LTBP1: variants seen among roughly 807,000 people sequenced by gnomAD.
LTBP1 encodes latent-transforming growth factor beta-binding protein 1.
LTBP1 carries 129 observed loss-of-function variants against 207.6 expected under a neutral mutation model. The observed-to-expected ratio is 0.62, with a 90% CI of 0.54 to 0.72. The LOEUF (loss-of-function observed/expected upper bound fraction) is 0.72. Ranked by LOEUF, LTBP1 falls within the 30% of genes least tolerant of loss-of-function variation. The probability of loss-of-function intolerance (pLI) is 0.00; values close to 1 mark genes in which losing one functional copy is unlikely to be tolerated. For synonymous variants in LTBP1, 963 were observed against 833.7 expected, an observed-to-expected ratio of 1.16 and a Z score of -2.67; for missense variants, 2,281 against 2,217.2, an observed-to-expected ratio of 1.03 and a Z score of -0.58.
intron 2 of LTBP1, among the ~76,000 whole-genome samples, chr2:32,998,234 T>C (rs777739845): frequency 8.6e-5 from 13 of 152,026 alleles, no homozygotes; most frequent in Non-Finnish European, 1.9e-4. Flanking sequence ...ACCATGGTTG[T>C]TGGCTGAGCA....
chr2:33,095,614 A>C (rs930010646), intron 3 of LTBP1, among the ~76,000 whole-genome samples: 5 of 152,216 alleles, frequency 3.3e-5, no homozygotes, highest in Admixed American at 6.5e-5. Flanking sequence ...AACAATCAGT[A>C]GAAAACAGCT....
intron 15 of LTBP1, among the ~76,000 whole-genome samples, chr2:33,267,160 G>C (rs568319135): frequency 6.6e-6 from 1 of 152,372 alleles, no homozygotes; most frequent in East Asian, 1.9e-4. Flanking sequence ...CCAGCACCTG[G>C]AGCTGCCCAG....
At chr2:33,128,073 C>T (rs775192779) in intron 4 of LTBP1, among the ~76,000 whole-genome samples, 2 of 152,140 alleles carry the variant, frequency 1.3e-5, no homozygotes, top group East Asian at 1.9e-4. Flanking sequence ...TTGGGACCCT[C>T]GAGAGGAATG....
chr2:33,187,552 C>G (rs2087345201), intron 6 of LTBP1, among the ~76,000 whole-genome samples: 1 of 152,036 alleles, frequency 6.6e-6, no homozygotes, highest in East Asian at 1.9e-4. Flanking sequence ...GGAAAGTAAA[C>G]TAGGTCACTT....
chr2:33,295,896 A>G (rs979740510), intron 20 of LTBP1, among the ~76,000 whole-genome samples: 6 of 152,188 alleles, frequency 3.9e-5, no homozygotes, highest in Non-Finnish European at 8.8e-5. Context: ...ACATGCAGGC[A>G]TCTGGATTTG....
intron 3 of LTBP1, among the ~76,000 whole-genome samples, chr2:33,064,377 G>A (rs560183269): frequency 2.0e-5 from 3 of 152,152 alleles, no homozygotes; most frequent in Non-Finnish European, 2.9e-5. Context: ...GCCTCCCACA[G>A]TTTCATGGAT....
intron 2 of LTBP1, among the ~76,000 whole-genome samples, chr2:32,977,016 A>G (rs992259483): frequency 3.3e-5 from 5 of 152,182 alleles, no homozygotes; most frequent in South Asian, 4.1e-4. Flanking sequence ...CCCTCTGCCT[A>G]CCAGTGGTGG....
At chr2:33,127,916 A>G (rs891968467) in intron 4 of LTBP1, among the ~76,000 whole-genome samples, 4 of 152,198 alleles carry the variant, frequency 2.6e-5, no homozygotes, top group African/African-American at 9.7e-5. Flanking sequence ...CCCTGGCTTT[A>G]CATGGAGATG....
chr2:33,107,378 CTT>C (rs1376151176), intron 3 of LTBP1, among the ~76,000 whole-genome samples: 1 of 152,086 alleles, frequency 6.6e-6, no homozygotes, highest in Non-Finnish European at 1.5e-5. Flanking sequence ...CTTTGAATCT[CTT>C]TACAGATTTG....
chr2:33,243,199 G>T (rs140896906), intron 9 of LTBP1, among the ~76,000 whole-genome samples: 16 of 152,282 alleles, frequency 1.1e-4, no homozygotes, highest in Admixed American at 1.0e-3. Context: ...TTTACTGTCT[G>T]TATAGGCAAT....
At chr2:33,004,756 C>T (rs1329042302) in intron 2 of LTBP1, among the ~76,000 whole-genome samples, 2 of 123,618 alleles carry the variant, frequency 1.6e-5, no homozygotes, top group African/African-American at 5.8e-5. Context: ...GCCTGGGTGA[C>T]AGAGTGAGCC....
At chr2:33,196,145 G>T (rs2088535088) in intron 7 of LTBP1, among the ~76,000 whole-genome samples, 2 of 152,092 alleles carry the variant, frequency 1.3e-5, no homozygotes, top group South Asian at 4.2e-4. Context: ...TAACTTTATT[G>T]CAGTGGTCAG....
At chr2:33,170,718 C>T (rs551499322) in intron 5 of LTBP1, among the ~76,000 whole-genome samples, 1 of 150,532 alleles carries the variant, frequency 6.6e-6, no homozygotes, top group East Asian at 2.0e-4. Flanking sequence ...CAAGTGGGTC[C>T]CTGACCCCTG....
chr2:33,045,549 T>A (rs566030448), intron 3 of LTBP1, among the ~76,000 whole-genome samples: 1 of 152,380 alleles, frequency 6.6e-6, no homozygotes, highest in South Asian at 2.1e-4. Flanking sequence ...GGTAGCATGA[T>A]GCCTCCAGCT....
At chr2:33,331,237 AT>A (rs940825148) in intron 24 of LTBP1, among the ~76,000 whole-genome samples, 2 of 150,688 alleles carry the variant, frequency 1.3e-5, no homozygotes, top group African/African-American at 4.9e-5. Flanking sequence ...TATATTTATT[AT>A]TTTTTCTATA....
chr2:32,970,079 T>G (rs998486856), intron 2 of LTBP1, among the ~76,000 whole-genome samples: 4 of 152,164 alleles, frequency 2.6e-5, no homozygotes, highest in Admixed American at 6.5e-5. Context: ...TAAAAAAATG[T>G]CTGTTCATTT....
chr2:33,268,466 A>T (rs1289520293), intron 15 of LTBP1, among the ~76,000 whole-genome samples: 1 of 152,230 alleles, frequency 6.6e-6, no homozygotes, highest in Non-Finnish European at 1.5e-5. Flanking sequence ...GCCTTTTCAC[A>T]TTTAGCTAAA....
intron 24 of LTBP1, among the ~76,000 whole-genome samples, chr2:33,341,494 G>A (rs2094620030): frequency 6.6e-6 from 1 of 151,766 alleles, no homozygotes; most frequent in African/African-American, 2.4e-5. Context: ...GGCAGATCAC[G>A]AGGTCAGGAG....
chr2:32,966,469 A>T (rs1330261119), intron 2 of LTBP1, among the ~76,000 whole-genome samples: 1 of 152,304 alleles, frequency 6.6e-6, no homozygotes, highest in East Asian at 1.9e-4. Context: ...TCATGATCTT[A>T]GCAGGAAAAC....
Sources: allele counts gnomAD v4.1 joint callset (sites outside exome capture counted in the v4.1 genomes callset), GRCh38; gene constraint gnomAD v4.1.1; transcripts MANE v1.5; gene names NCBI Gene and HGNC (gene_info 2026-07-23, HGNC 2026-07-21).